The following DMD variants were observed in gnomAD, a reference collection of about 807,000 sequenced individuals.
DMD encodes mutant dystrophin.
DMD carries 63 observed loss-of-function variants against 330.1 expected under a neutral mutation model. The observed-to-expected ratio is 0.19, with a 90% confidence interval of 0.16 to 0.24. The LOEUF (loss-of-function observed/expected upper bound fraction) is 0.24. DMD is among the 10% of genes least tolerant of loss of function. DMD has a pLI of 1.00. For synonymous variants in DMD, 1,223 were observed against 959.8 expected (o/e 1.27, Z -5.07); for missense variants, 3,344 against 2,684.1 (o/e 1.25, Z -5.43).
chrX:32,787,213 AGTGTGTGTGTGTGTGTGT>A (rs72078806), intron 7 of DMD, among the ~76,000 whole-genome samples: 2 of 83,378 alleles, frequency 2.4e-5, no homozygotes, highest in Non-Finnish European at 4.6e-5. Context: ...CTCTCTGTCA[AGTGTGTGTGTGTGTGTGT>A]GTGTGTGTGT....
chrX:32,300,922 T>C (rs901504868), intron 42 of DMD, among the ~76,000 whole-genome samples: 1 of 111,114 alleles, frequency 9.0e-6, no homozygotes, highest in Admixed American at 9.6e-5. Context: ...TCTATTTACA[T>C]ATGCAATCAT....
chrX:32,522,306 G>A (rs974126420), intron 17 of DMD, among the ~76,000 whole-genome samples: 2 of 111,772 alleles, frequency 1.8e-5, no homozygotes, highest in Non-Finnish European at 3.8e-5. Context: ...CCTCTGGGCA[G>A]TATTTATGGA....
chrX:32,261,719 G>A (rs938369629), intron 43 of DMD, among the ~76,000 whole-genome samples: 2 of 111,619 alleles, frequency 1.8e-5, no homozygotes, highest in African/African-American at 3.3e-5. Flanking sequence ...TGGCTGGCCC[G>A]AGAAAATGGT....
At chrX:31,627,197 A>G (rs182793901) in intron 55 of DMD, among the ~76,000 whole-genome samples, 41 of 112,923 alleles carry the variant, frequency 3.6e-4, no homozygotes, top group Admixed American at 5.6e-4. Flanking sequence ...ATTTTCACAG[A>G]TCATGTTAGG....
chrX:33,210,645 C>A (rs1165083726), intron 1 of DMD, among the ~76,000 whole-genome samples: 1 of 111,395 alleles, frequency 9.0e-6, no homozygotes, highest in Non-Finnish European at 1.9e-5. Context: ...TAGCATAGAT[C>A]ACATCATTAT....
At chrX:31,802,007 T>C (rs1377022599) in intron 50 of DMD, among the ~76,000 whole-genome samples, 1 of 111,116 alleles carries the variant, frequency 9.0e-6, no homozygotes. Flanking sequence ...GACCAATATG[T>C]GCAATGGCTT....
At chrX:31,816,669 C>T (rs1357126947) in intron 50 of DMD, among the ~76,000 whole-genome samples, 8 of 108,127 alleles carry the variant, frequency 7.4e-5, no homozygotes, top group Non-Finnish European at 1.3e-4. Flanking sequence ...CATGGTGGTG[C>T]GCACCTGTAT....
At position 32,852,735 on chromosome X, in the gene DMD, A is replaced by T. The variant is rs759713680; in HGVS notation, c.94-2915T>A. 3.9e-4 allele frequency among the ~76,000 whole-genome samples: 43 copies of T among 109,933 alleles called. No homozygotes were observed. In the South Asian group the frequency reaches 5.2e-3, roughly 13 times the overall value. On this transcript the variant is annotated intron_variant, in intron 2 of 78. Transcript: ENST00000357033. ...TAAAAAGCTCTTGGGCCTTGAGTGA[A>T]CATCAGTGGTAGCCAGGCAGTACTC...
At chrX:33,328,256 T>A (rs1455118386) in intron 1 of DMD, among the ~76,000 whole-genome samples, 1 of 111,263 alleles carries the variant, frequency 9.0e-6, no homozygotes, top group Non-Finnish European at 1.9e-5. Context: ...CAGGTTGGAG[T>A]GCACTGGCAC....
At chrX:33,028,694 A>G (rs1382887842) in intron 1 of DMD, among the ~76,000 whole-genome samples, 1 of 112,516 alleles carries the variant, frequency 8.9e-6, no homozygotes, top group Non-Finnish European at 1.9e-5. Flanking sequence ...GGCATAACTT[A>G]TCAATCAATC....
intron 44 of DMD, among the ~76,000 whole-genome samples, chrX:32,107,255 A>AGTAATAAGAGTAT (rs2096568191): frequency 9.1e-6 from 1 of 110,296 alleles, no homozygotes; most frequent in Admixed American, 9.7e-5. Flanking sequence ...AAGGCAGTAG[A>AGTAATAAGAGTAT]AAGAGTAATA....
Position 31,182,883 on chromosome X carries a change from C to T in DMD, c.9829G>A (p.Glu3277Lys), listed in dbSNP as rs1602456175. Reference protein sequence around the residue: ...FQFANNKPEIEAALFLDWMRL... With the variant: ...FQFANNKPEIKAALFLDWMRL... ...ATCCAGTCTAGGAAGAGGGCCGCTTCGATCTCTGGCTTATTATTAGCCTGC... is the reference window on the plus strand; with the variant it reads ...ATCCAGTCTAGGAAGAGGGCCGCTTTGATCTCTGGCTTATTATTAGCCTGC... Residue 3277 changes from glutamate to lysine, a missense_variant, in exon 68 of 79, where the codon GAA becomes AAA. Physicochemically the swap from Glu to Lys is moderately conservative, Grantham distance 56. Transcript: ENST00000357033. 2.5e-6 allele frequency: 3 copies of T among 1,205,193 alleles called. No individual in the cohort carries two copies. Among genetic ancestry groups the T allele is most frequent in the African/African-American group, 1.8e-5 (1 of 55,777 alleles).
intron 44 of DMD, among the ~76,000 whole-genome samples, chrX:32,088,799 C>T (rs2096457288): frequency 9.1e-6 from 1 of 109,903 alleles, no homozygotes. Context: ...TGATCCTTTC[C>T]TTTTACTACA....
At chrX:32,030,423 G>A (rs1328307954) in intron 44 of DMD, among the ~76,000 whole-genome samples, 1 of 112,171 alleles carries the variant, frequency 8.9e-6, no homozygotes, top group East Asian at 2.8e-4. Context: ...TCCTTCACCA[G>A]ATTGTGGAGT....
chrX:33,307,985 T>C lies in DMD; in HGVS notation c.7+31274A>G, dbSNP rs142520622. ...GGCATAAACATAAATCTAAATTTCA[T>C]TGAGTACCACGTAATGTTCAGCTAT... is the stretch of plus-strand genomic sequence containing the variant. On this transcript the variant is annotated intron_variant, in intron 1 of 17. Transcript: ENST00000288447. 1.3e-3 allele frequency among the ~76,000 whole-genome samples: 148 copies of C among 112,068 alleles called. 4 individuals carry two copies. In the East Asian group the frequency reaches 0.034, roughly 25 times the overall value.
chrX:32,091,337 A>C lies in DMD; in HGVS notation c.6439-122823T>G, dbSNP rs777291796. Among the ~76,000 whole-genome samples, 5 of 112,151 alleles carry C rather than the reference A, an allele frequency of 4.5e-5. No individual in the cohort carries two copies. In the South Asian group the frequency reaches 1.9e-3, roughly 42 times the overall value. On this transcript the variant is annotated intron_variant, in intron 44 of 78. Coordinates refer to ENST00000357033, the MANE Select transcript of DMD (RefSeq NM_004006.3). ...AACTTATATATTTTTTTCAGTGATA[A>C]GCAGTTTGATTATAAAAGATATAAA...
At chrX:31,264,162 TG>T (rs1241761956) in intron 62 of DMD, among the ~76,000 whole-genome samples, 1 of 112,352 alleles carries the variant, frequency 8.9e-6, no homozygotes, top group Non-Finnish European at 1.9e-5. Flanking sequence ...TCTTACTCTG[TG>T]CCTGCCTTCT....
intron 2 of DMD, among the ~76,000 whole-genome samples, chrX:32,979,008 GA>G (rs2092631484): frequency 8.9e-6 from 1 of 112,009 alleles, no homozygotes; most frequent in South Asian, 3.7e-4. Flanking sequence ...AGAAATCTTA[GA>G]TTAGGCAAAT....
At chrX:32,494,914 G>A (rs1244681005) in intron 19 of DMD, among the ~76,000 whole-genome samples, 1 of 111,329 alleles carries the variant, frequency 9.0e-6, no homozygotes, top group East Asian at 2.8e-4. Flanking sequence ...GTTCGAGGCT[G>A]CACTGAGCTA....
Sources: allele counts gnomAD v4.1 joint callset (sites outside exome capture counted in the v4.1 genomes callset), GRCh38; gene constraint gnomAD v4.1.1; transcripts MANE v1.5; gene names NCBI Gene and HGNC (gene_info 2026-07-23, HGNC 2026-07-21).